Variants in BANK1 observed in about 807,000 individuals in gnomAD.
BANK1 encodes the protein B cell scaffold protein with ankyrin repeats 1, also known as B-cell scaffold protein with ankyrin repeats.
Under a neutral mutation model 94.5 loss-of-function variants are expected in BANK1, and 95 were observed. The observed-to-expected ratio is 1.00, with a 90% CI of 0.85 to 1.19. The LOEUF is 1.19. Among genes scored for constraint, BANK1 ranks in the 50% most tolerant of loss-of-function variants. BANK1 has a pLI of 0.00. For synonymous variants in BANK1, 334 were observed against 308.4 expected (o/e 1.08, Z -0.87); for missense variants, 987 against 932.2 (o/e 1.06, Z -0.77).
intron 11 of BANK1, among the ~76,000 whole-genome samples, chr4:102,057,236 CTCTT>C (rs1728255833): frequency 1.3e-5 from 2 of 152,036 alleles, no homozygotes; most frequent in South Asian, 4.2e-4. Context: ...CTCTCTCTCT[CTCTT>C]GCTCTCTCTC....
intron 7 of BANK1, among the ~76,000 whole-genome samples, chr4:101,978,305 A>G (rs562914403): frequency 7.6e-4 from 116 of 152,244 alleles, no homozygotes; most frequent in African/African-American, 2.8e-3. Flanking sequence ...ATCATTTTAT[A>G]AATGGGGAAA....
intron 2 of BANK1, among the ~76,000 whole-genome samples, chr4:101,832,431 G>T (rs892571302): frequency 4.6e-5 from 7 of 151,844 alleles, no homozygotes; most frequent in Non-Finnish European, 8.8e-5. Flanking sequence ...TATGTATTTT[G>T]GATTTCTTTA....
At chr4:101,925,269 G>A (rs898442742) in intron 7 of BANK1, among the ~76,000 whole-genome samples, 1 of 151,780 alleles carries the variant, frequency 6.6e-6, no homozygotes, top group East Asian at 1.9e-4. Flanking sequence ...ATGGAACAGA[G>A]CTAGGGTAGA....
At chr4:101,906,010 C>T (rs1178213120) in intron 6 of BANK1, among the ~76,000 whole-genome samples, 1 of 152,152 alleles carries the variant, frequency 6.6e-6, no homozygotes, top group African/African-American at 2.4e-5. Context: ...TCCTGCATGA[C>T]CAATTGTGCA....
At chr4:101,874,316 A>G (rs1472924585) in intron 5 of BANK1, among the ~76,000 whole-genome samples, 1 of 152,182 alleles carries the variant, frequency 6.6e-6, no homozygotes, top group Non-Finnish European at 1.5e-5. Flanking sequence ...GCTTCTGTTA[A>G]TAGTTCCCTG....
intron 5 of BANK1, among the ~76,000 whole-genome samples, chr4:101,871,476 A>C (rs940742074): frequency 6.6e-6 from 1 of 152,144 alleles, no homozygotes; most frequent in Non-Finnish European, 1.5e-5. Context: ...TATGTGTTTA[A>C]ACTAGTTTAG....
intron 7 of BANK1, among the ~76,000 whole-genome samples, chr4:101,995,986 A>C (rs545715444): frequency 6.6e-6 from 1 of 152,034 alleles, no homozygotes; most frequent in Non-Finnish European, 1.5e-5. Context: ...TTTTGTTGCC[A>C]TTGCTTTTGG....
At chr4:101,949,566 T>C (rs1724060430) in intron 7 of BANK1, among the ~76,000 whole-genome samples, 1 of 152,120 alleles carries the variant, frequency 6.6e-6, no homozygotes, top group African/African-American at 2.4e-5. Flanking sequence ...TCCTGGCATG[T>C]GGTAAGTTTT....
intron 11 of BANK1, among the ~76,000 whole-genome samples, chr4:102,050,051 C>A (rs1044408236): frequency 6.6e-6 from 1 of 152,206 alleles, no homozygotes; most frequent in African/African-American, 2.4e-5. Context: ...ATGTTTAAAA[C>A]CTCATGTCAA....
intron 7 of BANK1, among the ~76,000 whole-genome samples, chr4:101,985,201 T>A (rs1269260570): frequency 6.6e-6 from 1 of 152,134 alleles, no homozygotes; most frequent in Non-Finnish European, 1.5e-5. Context: ...AAGATCAACA[T>A]CCCAACTCAG....
chr4:102,015,827 A>T (rs1371366167), intron 7 of BANK1, among the ~76,000 whole-genome samples: 1 of 152,170 alleles, frequency 6.6e-6, no homozygotes, highest in Non-Finnish European at 1.5e-5. Flanking sequence ...GACTATCAAT[A>T]TAGCCCTTCT....
At chr4:101,956,092 C>T (rs184049962) in intron 7 of BANK1, among the ~76,000 whole-genome samples, 5 of 152,086 alleles carry the variant, frequency 3.3e-5, no homozygotes, top group South Asian at 2.1e-4. Flanking sequence ...TTTCATTAAA[C>T]GTAAGATTAT....
At chr4:101,911,771 A>G (rs1299219663) in intron 6 of BANK1, among the ~76,000 whole-genome samples, 1 of 152,172 alleles carries the variant, frequency 6.6e-6, no homozygotes, top group African/African-American at 2.4e-5. Flanking sequence ...GGCATCTGCT[A>G]TTAGCAGAAT....
At chr4:102,061,008 G>A (rs923518555) in intron 12 of BANK1, among the ~76,000 whole-genome samples, 4 of 151,892 alleles carry the variant, frequency 2.6e-5, no homozygotes, top group South Asian at 2.1e-4. Context: ...GAGATAACAC[G>A]GTCATATTCC....
chr4:101,892,734 T>A (rs1721923869), intron 5 of BANK1, among the ~76,000 whole-genome samples: 1 of 152,002 alleles, frequency 6.6e-6, no homozygotes, highest in Non-Finnish European at 1.5e-5. Flanking sequence ...TGTACAATTG[T>A]ATCAACTTCA....
At chr4:101,853,932 C>T (rs1189619134) in intron 2 of BANK1, among the ~76,000 whole-genome samples, 2 of 152,142 alleles carry the variant, frequency 1.3e-5, no homozygotes, top group Non-Finnish European at 2.9e-5. Flanking sequence ...ATTATTTTGT[C>T]TAGATTCTGA....
intron 3 of BANK1, among the ~76,000 whole-genome samples, chr4:101,861,792 T>A (rs1049188188): frequency 2.0e-5 from 3 of 152,078 alleles, no homozygotes; most frequent in African/African-American, 7.2e-5. Context: ...AAATAGATAA[T>A]AAATGTTTAT....
At position 101,822,262 on chromosome 4, in the gene BANK1, C is replaced by T. The variant is rs533078707; in HGVS notation, c.71-7546C>T. Among the ~76,000 whole-genome samples, 51 of 151,720 alleles carry T rather than the reference C, an allele frequency of 3.4e-4. No homozygotes were observed. The East Asian group carries it at 6.2e-3, about 19-fold the overall frequency. ...GTGCATACCTGTGGTCCCAGCTACT[C>T]GGGAGGCTGAGATGGGACGATCGCT... On this transcript the variant is annotated intron_variant, in intron 1 of 16. Transcript: ENST00000322953.
At chr4:101,842,605 T>G (rs1727093475) in intron 2 of BANK1, among the ~76,000 whole-genome samples, 1 of 152,256 alleles carries the variant, frequency 6.6e-6, no homozygotes, top group Non-Finnish European at 1.5e-5. Context: ...AAATAATTTT[T>G]AGGCTACTTG....
Sources: allele counts gnomAD v4.1 joint callset (sites outside exome capture counted in the v4.1 genomes callset), GRCh38; gene constraint gnomAD v4.1.1; transcripts MANE v1.5; gene names NCBI Gene and HGNC (gene_info 2026-07-23, HGNC 2026-07-21).